PARL: variants seen among roughly 807,000 people sequenced by gnomAD.
PARL encodes the protein presenilin-associated rhomboid-like protein, mitochondrial.
In PARL, 44 loss-of-function variants were observed where a neutral mutation model predicts 51.6. The observed-to-expected ratio is 0.85, with a 90% confidence interval of 0.67 to 1.10. The LOEUF (loss-of-function observed/expected upper bound fraction) is 1.10, where lower values mean the gene tolerates loss of function less well. Among genes scored for constraint, PARL ranks in the 50% least tolerant of loss-of-function variants. The pLI, the probability that PARL is intolerant of heterozygous loss-of-function variation, is 0.00. For missense variants in PARL, 441 were observed against 469.5 expected, an observed-to-expected ratio of 0.94 and a Z score of 0.56; for synonymous variants, 172 against 164.0, an observed-to-expected ratio of 1.05 and a Z score of -0.37.
In PARL at chr3:183,884,765, C is replaced by A; in HGVS notation, c.82G>T (p.Glu28Ter). The A allele has an allele frequency of 1.3e-6, 2 of 1,582,516 alleles. No individual in the cohort carries two copies. The highest frequency in any genetic ancestry group is 1.7e-6 in the Non-Finnish European group (2 of 1,168,918). ...GASVGGRSCE[E>*]LTAVLTPPQL... is the part of the protein sequence containing the mutation. ...GGCGGGGTTAGGACCGCAGTGAGCT[C>A]CTCGCAGCTGCGGCCGCCCACCGAC... is the stretch of plus-strand genomic sequence containing the variant. The change falls in exon 1 of 10, where the codon GAG (glutamate) becomes TAG (stop). Residue 28 changes from glutamate (E) to a stop codon, truncating the protein, a stop_gained. Transcript: ENST00000317096. LOFTEE classifies it high-confidence loss of function.
At chr3:183,840,728 CAG>C (rs1729211131) in intron 6 of PARL, 88 bp from the exon 7 acceptor site, 3 of 667,894 alleles carry the variant, frequency 4.5e-6, no homozygotes, top group Non-Finnish European at 5.0e-6. Flanking sequence ...TTTTTTGAGA[CAG>C]AGTTTCACTC....
chr3:183,832,771 T>C (rs1175736213), intron 9 of PARL, among the ~76,000 whole-genome samples: 1 of 152,176 alleles, frequency 6.6e-6, no homozygotes, highest in Non-Finnish European at 1.5e-5. Context: ...TGGAAGGTCT[T>C]GTAACCACAA....
At chr3:183,880,337 T>C (rs1289809812) in intron 1 of PARL, among the ~76,000 whole-genome samples, 1 of 152,066 alleles carries the variant, frequency 6.6e-6, no homozygotes, top group Admixed American at 6.6e-5. Flanking sequence ...AGCAATCAAA[T>C]GTGCTCAAAG....
intron 1 of PARL, among the ~76,000 whole-genome samples, chr3:183,884,251 C>T (rs1009468896): frequency 4.6e-5 from 7 of 152,236 alleles, no homozygotes; most frequent in African/African-American, 1.4e-4. Context: ...TCTCCTACGA[C>T]TTTGCCAGAC....
intron 1 of PARL, among the ~76,000 whole-genome samples, chr3:183,872,161 C>T (rs1733294125): frequency 1.3e-5 from 2 of 152,144 alleles, no homozygotes; most frequent in African/African-American, 4.8e-5. Context: ...ACTGCCACAC[C>T]TGGCTAATTT....
At chr3:183,830,177 C>T (rs551994373) in intron 9 of PARL, among the ~76,000 whole-genome samples, 9 of 152,324 alleles carry the variant, frequency 5.9e-5, no homozygotes, top group African/African-American at 9.6e-5. Context: ...CCTAACTATA[C>T]GAAGGGTGGC....
At chr3:183,829,067 G>A (rs1423135922), downstream of PARL, among the ~76,000 whole-genome samples, 1 of 152,154 alleles carries the variant, frequency 6.6e-6, no homozygotes, top group African/African-American at 2.4e-5. Context: ...AGCAAAACCT[G>A]AAAATAGCTT....
At chr3:183,844,175 C>A (rs896205567) in intron 5 of PARL, 56 bp downstream of exon 5, 12 of 1,170,608 alleles carry the variant, frequency 1.0e-5, no homozygotes, top group Non-Finnish European at 1.5e-5. Flanking sequence ...TTAACTAAAG[C>A]ATATTTCTTT....
intron 4 of PARL, chr3:183,856,523 A>C (rs1731203912): frequency 6.6e-6 from 1 of 152,360 alleles, no homozygotes; most frequent in Admixed American, 6.5e-5. Context: ...GTATCCACCA[A>C]ACTAATTAAG....
At chr3:183,856,760 G>C (rs12107414) in intron 4 of PARL, among the ~76,000 whole-genome samples, 34,484 of 152,162 alleles carry the variant, frequency 0.23, 4,214 homozygotes, top group East Asian at 0.53. Context: ...CCCCTGTGGG[G>C]AACTTTTAGA....
intron 7 of PARL, among the ~76,000 whole-genome samples, chr3:183,839,237 T>C (rs1324800256): frequency 2.0e-5 from 3 of 152,194 alleles, no homozygotes; most frequent in African/African-American, 7.2e-5. Context: ...AGAATTCTTT[T>C]CAAAATTGAC....
chr3:183,872,751 C>G (rs978076048), intron 1 of PARL, among the ~76,000 whole-genome samples: 1 of 152,106 alleles, frequency 6.6e-6, no homozygotes, highest in Non-Finnish European at 1.5e-5. Context: ...TTTTCAGGAG[C>G]CCCTTGGAAA....
downstream of PARL, among the ~76,000 whole-genome samples, chr3:183,828,204 G>A (rs1421284317): frequency 6.6e-6 from 1 of 152,224 alleles, no homozygotes; most frequent in Non-Finnish European, 1.5e-5. Flanking sequence ...CTTTTTCCCA[G>A]TCACAAAGCA....
intron 3 of PARL, among the ~76,000 whole-genome samples, chr3:183,863,986 A>C (rs1732144245): frequency 6.6e-6 from 1 of 152,240 alleles, no homozygotes; most frequent in Non-Finnish European, 1.5e-5. Flanking sequence ...CCATTTGGGT[A>C]CATTTGGATA....
intron 7 of PARL, among the ~76,000 whole-genome samples, chr3:183,840,264 G>A (rs1198359619): frequency 6.6e-6 from 1 of 152,146 alleles, no homozygotes; most frequent in Non-Finnish European, 1.5e-5. Flanking sequence ...ACTGGATTAG[G>A]CTCTCTGGTT....
intron 9 of PARL, 62 bp from the exon 10 acceptor site, chr3:183,829,771 T>C (rs1727707963): frequency 2.3e-6 from 3 of 1,297,956 alleles, no homozygotes; most frequent in African/African-American, 2.9e-5. Context: ...GTAAGTAGCA[T>C]GGTGACAGAT....
intron 3 of PARL, among the ~76,000 whole-genome samples, chr3:183,865,629 G>A (rs1289764714): frequency 6.6e-6 from 1 of 152,176 alleles, no homozygotes; most frequent in Admixed American, 6.5e-5. Context: ...ATCTGAGGTG[G>A]AACAGTTTCA....
chr3:183,855,870 G>C lies in PARL; in HGVS notation c.511+6883C>G, dbSNP rs1046175874. On this transcript the variant is annotated intron_variant, in intron 4 of 9. Transcript: ENST00000317096. ...AGCTACTTGGGAGGCTAAGGCAGGAGAATCACCTGAATCCGGGAGAGATTG... is the reference window on the plus strand; with the variant it reads ...AGCTACTTGGGAGGCTAAGGCAGGACAATCACCTGAATCCGGGAGAGATTG... Among the ~76,000 whole-genome samples, 4 of 150,698 alleles carry C rather than the reference G, an allele frequency of 2.7e-5. No individual in the cohort carries two copies. In the East Asian group the frequency reaches 7.9e-4, roughly 30 times the overall value.
At chr3:183,864,692 C>T (rs535832152) in intron 3 of PARL, among the ~76,000 whole-genome samples, 2 of 151,650 alleles carry the variant, frequency 1.3e-5, no homozygotes, top group African/African-American at 2.4e-5. Context: ...AGGAGAATGG[C>T]GTGAACCCGG....
Sources: gnomAD v4.1 joint callset for allele counts (sites outside exome capture counted in the v4.1 genomes callset) on GRCh38, gnomAD v4.1.1 for gene constraint, MANE v1.5 for transcripts, NCBI Gene and HGNC (gene_info 2026-07-23, HGNC 2026-07-21) for gene names.